Variants in JARID2 observed in about 807,000 individuals in gnomAD.
JARID2 encodes jumonji and AT-rich interaction domain containing 2.
In JARID2, 21 loss-of-function variants were observed where a neutral mutation model predicts 125.6. That is an observed-to-expected ratio of 0.17 (90% confidence interval 0.12 to 0.24). The LOEUF is 0.24. Among genes scored for constraint, JARID2 ranks in the 10% least tolerant of loss-of-function variants. The probability of loss-of-function intolerance (pLI) is 1.00; values close to 1 mark genes in which losing one functional copy is unlikely to be tolerated. For missense variants in JARID2, 1,303 were observed against 1,639.6 expected, an observed-to-expected ratio of 0.79 and a Z score of 3.55; for synonymous variants, 736 against 661.6, an observed-to-expected ratio of 1.11 and a Z score of -1.73.
intron 5 of JARID2, among the ~76,000 whole-genome samples, chr6:15,469,365 CCCTTCTCCCCCTCTCCCCCTCTCCCCCTT>C (rs1768944636): frequency 2.2e-5 from 1 of 44,826 alleles, no homozygotes; most frequent in Non-Finnish European, 4.5e-5. Context: ...CTCTCTCCTC[CCCTTCTCCCCCTCTCCCCCTCTCCCCCTT>C]TCCCCCTCTC....
intron 5 of JARID2, among the ~76,000 whole-genome samples, chr6:15,478,950 C>T (rs1036723504): frequency 6.6e-6 from 1 of 152,184 alleles, no homozygotes; most frequent in Non-Finnish European, 1.5e-5. Context: ...CAGGTGTGAG[C>T]CACCGTGCCC....
chr6:15,265,641 A>C (rs1760055571), intron 1 of JARID2, among the ~76,000 whole-genome samples: 3 of 152,170 alleles, frequency 2.0e-5, no homozygotes, highest in Non-Finnish European at 4.4e-5. Flanking sequence ...GCCCCATTGG[A>C]CAGGTCACTT....
At chr6:15,331,009 A>G (rs1039495966) in intron 1 of JARID2, among the ~76,000 whole-genome samples, 1 of 152,188 alleles carries the variant, frequency 6.6e-6, no homozygotes, top group African/African-American at 2.4e-5. Context: ...TTGTCTTGTG[A>G]AAGGAGCGGT....
At chr6:15,378,430 T>C (rs1285511853) in intron 2 of JARID2, among the ~76,000 whole-genome samples, 1 of 152,088 alleles carries the variant, frequency 6.6e-6, no homozygotes, top group African/African-American at 2.4e-5. Flanking sequence ...CTTCTGCCTC[T>C]GTGTCCTCTT....
rs1345933555 is a variant in JARID2 at position 15,275,527 on chromosome 6, CCCCCCG to C, written c.45+28949_45+28954del. On this transcript the variant is annotated intron_variant, in intron 1 of 17. Coordinates refer to ENST00000341776, the MANE Select transcript of JARID2 (RefSeq NM_004973.4). ...TTTTAATTAAAGTCCATTTACCGCC[CCCCCCG>C]CCCCCCCCCCCGTCTTTTGCCTCTT... 2.7e-4 allele frequency among the ~76,000 whole-genome samples: 7 copies of C among 26,172 alleles called. 1 individual carries two copies. Among genetic ancestry groups the C allele is most frequent in the Non-Finnish European group, 4.6e-4 (4 of 8,654 alleles). 17.2% of individuals were successfully genotyped at this position (26,172 alleles called of 152,430 possible).
At chr6:15,291,626 C>T (rs1214792616) in intron 1 of JARID2, among the ~76,000 whole-genome samples, 1 of 152,212 alleles carries the variant, frequency 6.6e-6, no homozygotes, top group East Asian at 1.9e-4. Flanking sequence ...GTGGGATGCG[C>T]AGCCAGACCC....
intron 1 of JARID2, among the ~76,000 whole-genome samples, chr6:15,354,180 C>G (rs1034555671): frequency 6.6e-6 from 1 of 152,090 alleles, no homozygotes; most frequent in Non-Finnish European, 1.5e-5. Context: ...GTAGGTGGCT[C>G]ACTGTCAGAG....
At chr6:15,422,494 A>G (rs957679732) in intron 3 of JARID2, among the ~76,000 whole-genome samples, 5 of 152,230 alleles carry the variant, frequency 3.3e-5, no homozygotes, top group Admixed American at 6.5e-5. Flanking sequence ...TGTGCCAGCA[A>G]TTCTCGCTGG....
rs561661980 is a variant in JARID2 at position 15,514,332 on chromosome 6, C to T, written c.3450+910C>T. ...AGCATGCCCGAAGGGCCTGACCTGC[C>T]TCCCCGGGCCTCGTCCCTTTCCACA... On this transcript the variant is annotated intron_variant, in intron 16 of 17. Coordinates refer to ENST00000341776, the MANE Select transcript of JARID2 (RefSeq NM_004973.4). 1.3e-3 allele frequency among the ~76,000 whole-genome samples: 200 copies of T among 152,370 alleles called. 1 individual carries two copies. The highest frequency in any genetic ancestry group is 2.3e-3 in the Non-Finnish European group (158 of 68,044).
intron 2 of JARID2, among the ~76,000 whole-genome samples, chr6:15,374,478 T>C (rs1764279111): frequency 6.6e-6 from 1 of 152,252 alleles, no homozygotes; most frequent in South Asian, 2.1e-4. Flanking sequence ...CATTAGTCTG[T>C]TCTGTAGGTC....
chr6:15,394,123 T>A (rs553076685), intron 2 of JARID2, among the ~76,000 whole-genome samples: 1 of 152,264 alleles, frequency 6.6e-6, no homozygotes, highest in South Asian at 2.1e-4. Flanking sequence ...GAGCTATGTC[T>A]AGTCTAATAA....
At chr6:15,282,853 G>A (rs1439597568) in intron 1 of JARID2, among the ~76,000 whole-genome samples, 3 of 152,092 alleles carry the variant, frequency 2.0e-5, no homozygotes, top group Non-Finnish European at 4.4e-5. Context: ...GGTCCACCTC[G>A]GCCTCCCAAA....
At position 15,246,475 on chromosome 6, in the gene JARID2, A is replaced by G; in HGVS notation, c.-65A>G. 1.4e-6 allele frequency: 2 copies of G among 1,475,012 alleles called. No homozygotes were observed. The highest frequency in any genetic ancestry group is 1.9e-6 in the Non-Finnish European group (2 of 1,065,042). The allele number at this position is 1,475,012 out of a possible 1,614,324, so 91.4% of individuals were successfully genotyped here. A position where few individuals can be genotyped will look rare whatever the true frequency, so the allele number is the denominator to read the frequency against. On this transcript the variant is annotated 5_prime_UTR_variant, in exon 1 of 18. Coordinates refer to ENST00000341776, the MANE Select transcript of JARID2 (RefSeq NM_004973.4). The stretch of plus-strand genomic sequence containing the variant: ...AAACCACCAGGATATTTTTTTGCAA[A>G]TTTCTGACGGCTTTAAATTCATGAA...
In JARID2 at chr6:15,489,451, A is replaced by G. The variant is rs1191609841; in HGVS notation, c.906+1909A>G. Among the ~76,000 whole-genome samples the G allele has an allele frequency of 2.0e-5, 3 of 152,338 alleles. No individual in the cohort carries two copies. In the East Asian group the frequency reaches 5.8e-4, roughly 29 times the overall value. ...GGTGCGCACATCCTCTTGCACGGTC[A>G]CGAATAGGGATGCGTGGGATACGCC... On this transcript the variant is annotated intron_variant, in intron 6 of 17. Transcript: ENST00000341776.
chr6:15,298,583 G>A (rs1413528797), intron 1 of JARID2, among the ~76,000 whole-genome samples: 2 of 151,784 alleles, frequency 1.3e-5, no homozygotes, highest in Non-Finnish European at 2.9e-5. Context: ...GGGAGGCTGA[G>A]GCAGGAGAAT....
intron 1 of JARID2, 57 bp from the exon 2 acceptor site, chr6:15,374,060 C>A: frequency 6.3e-7 from 1 of 1,582,914 alleles, no homozygotes; most frequent in Non-Finnish European, 8.6e-7. Context: ...TATTTTGACT[C>A]TGAATATTGC....
At chr6:15,455,413 T>G (rs554258096) in intron 4 of JARID2, among the ~76,000 whole-genome samples, 1 of 152,296 alleles carries the variant, frequency 6.6e-6, no homozygotes, top group South Asian at 2.1e-4. Context: ...AACATCCTCC[T>G]TCTGGGTGTT....
intron 2 of JARID2, among the ~76,000 whole-genome samples, chr6:15,390,525 G>T (rs1319932940): frequency 1.3e-5 from 2 of 152,186 alleles, no homozygotes; most frequent in Non-Finnish European, 2.9e-5. Context: ...GTTCTTGGTA[G>T]TGGATGTTGA....
At chr6:15,509,330 G>T (rs895360137) in intron 12 of JARID2, 8 of 985,304 alleles carry the variant, frequency 8.1e-6, no homozygotes, top group Non-Finnish European at 9.6e-6. Flanking sequence ...CCCTAATGGG[G>T]TGATTAAACA....
Sources: allele counts gnomAD v4.1 joint callset (sites outside exome capture counted in the v4.1 genomes callset), GRCh38; gene constraint gnomAD v4.1.1; transcripts MANE v1.5; gene names NCBI Gene and HGNC (gene_info 2026-07-23, HGNC 2026-07-21).